The following NAALADL2 variants were observed in gnomAD, a reference collection of about 807,000 sequenced individuals.
NAALADL2 encodes the protein N-acetylated alpha-linked acidic dipeptidase like 2, also known as inactive N-acetylated-alpha-linked acidic dipeptidase-like protein 2.
In NAALADL2, 76 loss-of-function variants were observed where a neutral mutation model predicts 87.2. That is an observed-to-expected ratio of 0.87 (90% CI 0.72 to 1.05). The LOEUF (loss-of-function observed/expected upper bound fraction) is 1.05. Among genes scored for constraint, NAALADL2 ranks in the 50% least tolerant of loss-of-function variants. NAALADL2 has a pLI of 0.00. For synonymous variants in NAALADL2, 354 were observed against 331.0 expected, an observed-to-expected ratio of 1.07 and a Z score of -0.75; for missense variants, 1,089 against 945.8, an observed-to-expected ratio of 1.15 and a Z score of -1.99.
chr3:175,177,029 A>C (rs2108957939), intron 2 of NAALADL2, among the ~76,000 whole-genome samples: 1 of 152,234 alleles, frequency 6.6e-6, no homozygotes, highest in African/African-American at 2.4e-5. Flanking sequence ...GGCAAGGCAA[A>C]GTTTAATTAT....
chr3:175,349,966 T>A (rs1763580377), intron 5 of NAALADL2, among the ~76,000 whole-genome samples: 1 of 148,884 alleles, frequency 6.7e-6, no homozygotes, highest in Non-Finnish European at 1.5e-5. Context: ...ATCCCATGGG[T>A]CTTCTTCTAT....
chr3:175,081,284 T>G (rs915529574), intron 1 of NAALADL2: 4 of 152,230 alleles, frequency 2.6e-5, no homozygotes, highest in African/African-American at 7.2e-5. Context: ...AGTGTAATTA[T>G]AAATGATCAT....
At chr3:175,196,792 C>T (rs1314934818) in intron 2 of NAALADL2, among the ~76,000 whole-genome samples, 2 of 151,912 alleles carry the variant, frequency 1.3e-5, no homozygotes, top group Non-Finnish European at 2.9e-5. Flanking sequence ...ATGATCCTTA[C>T]ACTGGATTCA....
chr3:174,953,332 TCCCC>T (rs1740682665), intron 1 of NAALADL2, among the ~76,000 whole-genome samples: 1 of 12,790 alleles, frequency 7.8e-5, no homozygotes, highest in Admixed American at 7.7e-4. Context: ...TCCCCTCCCC[TCCCC>T]TCCCCTCCCC....
chr3:175,756,775 C>G (rs533065205), intron 13 of NAALADL2, among the ~76,000 whole-genome samples: 1 of 152,068 alleles, frequency 6.6e-6, no homozygotes, highest in East Asian at 1.9e-4. Flanking sequence ...GTCCATGTAA[C>G]AAACCTGCAC....
chr3:175,647,104 G>A (rs765223315), intron 11 of NAALADL2, among the ~76,000 whole-genome samples: 113 of 152,152 alleles, frequency 7.4e-4, no homozygotes, highest in Non-Finnish European at 1.3e-3. Context: ...GCCTATAAAT[G>A]ACACATCTTG....
chr3:175,125,895 C>T (rs79311661), intron 2 of NAALADL2, among the ~76,000 whole-genome samples: 3,114 of 152,162 alleles, frequency 0.02, 52 homozygotes, highest in Admixed American at 0.031. Flanking sequence ...TAAGGACTGA[C>T]TTAGACTTGA....
chr3:175,519,422 A>G (rs925385688), intron 9 of NAALADL2, among the ~76,000 whole-genome samples: 4 of 152,208 alleles, frequency 2.6e-5, no homozygotes, highest in African/African-American at 4.8e-5. Context: ...ATGCTGTTTT[A>G]TAAGCCCCAA....
chr3:174,943,536 C>T (rs981151265), intron 1 of NAALADL2, among the ~76,000 whole-genome samples: 2 of 152,212 alleles, frequency 1.3e-5, no homozygotes, highest in Non-Finnish European at 2.9e-5. Context: ...GGGGCAATCT[C>T]AGTGTTTATG....
intron 11 of NAALADL2, among the ~76,000 whole-genome samples, chr3:175,629,977 A>G (rs537227453): frequency 1.4e-3 from 218 of 151,908 alleles, no homozygotes; most frequent in Middle Eastern, 3.4e-3. Flanking sequence ...AAAGAATTAT[A>G]TGTCCAAGAG....
chr3:174,702,304 A>T (rs951348334), intron 2 of NAALADL2, among the ~76,000 whole-genome samples: 1 of 152,156 alleles, frequency 6.6e-6, no homozygotes, highest in African/African-American at 2.4e-5. Context: ...ACAATAAAAG[A>T]ATAATCTTTT....
intron 9 of NAALADL2, among the ~76,000 whole-genome samples, chr3:175,545,739 A>T (rs1052772595): frequency 1.3e-5 from 2 of 152,174 alleles, no homozygotes; most frequent in African/African-American, 4.8e-5. Context: ...GTTAAATGCC[A>T]ACTTACATGA....
intron 2 of NAALADL2, among the ~76,000 whole-genome samples, chr3:175,215,066 AG>A (rs1275108918): frequency 6.6e-6 from 1 of 152,130 alleles, no homozygotes; most frequent in Non-Finnish European, 1.5e-5. Context: ...TCCCAAATGA[AG>A]TTACTTGATA....
intron 6 of NAALADL2, among the ~76,000 whole-genome samples, chr3:175,458,284 T>C (rs1722618041): frequency 6.6e-6 from 1 of 151,950 alleles, no homozygotes; most frequent in Non-Finnish European, 1.5e-5. Flanking sequence ...AATATAGTTA[T>C]ATTTTAATAT....
intron 10 of NAALADL2, among the ~76,000 whole-genome samples, chr3:175,582,068 A>G (rs1206476413): frequency 6.6e-6 from 1 of 152,222 alleles, no homozygotes; most frequent in African/African-American, 2.4e-5. Context: ...GTTAAACTCC[A>G]ATCAACAAAT....
intron 10 of NAALADL2, among the ~76,000 whole-genome samples, chr3:175,605,635 T>A (rs1265724191): frequency 1.7e-5 from 2 of 117,810 alleles, no homozygotes; most frequent in Non-Finnish European, 3.6e-5. Context: ...AGATGTATAT[T>A]GCTTGTTTTT....
At chr3:175,313,583 G>C (rs1257510660) in intron 4 of NAALADL2, among the ~76,000 whole-genome samples, 4 of 152,164 alleles carry the variant, frequency 2.6e-5, no homozygotes, top group African/African-American at 9.7e-5. Flanking sequence ...GGGTGAGAAG[G>C]CAATTTAGGA....
At chr3:175,679,199 C>A (rs545933015) in intron 11 of NAALADL2, among the ~76,000 whole-genome samples, 1 of 151,390 alleles carries the variant, frequency 6.6e-6, no homozygotes, top group South Asian at 2.1e-4. Context: ...TGGATGTATA[C>A]CTGCAGGTCA....
chr3:175,289,050 G>A (rs967175104), intron 4 of NAALADL2, among the ~76,000 whole-genome samples: 1 of 152,044 alleles, frequency 6.6e-6, no homozygotes, highest in African/African-American at 2.4e-5. Flanking sequence ...TCAAAATTGT[G>A]ATTTAAATAA....
Sources: allele counts gnomAD v4.1 joint callset (sites outside exome capture counted in the v4.1 genomes callset), GRCh38; gene constraint gnomAD v4.1.1; transcripts MANE v1.5; gene names NCBI Gene and HGNC (gene_info 2026-07-23, HGNC 2026-07-21).